The following CLCN6 variants were observed in gnomAD, a reference collection of about 807,000 sequenced individuals.
The protein encoded by CLCN6 is H(+)/Cl(-) exchange transporter 6.
In CLCN6, 70 loss-of-function variants were observed where a neutral mutation model predicts 109.8. That is an observed-to-expected ratio of 0.64 (90% CI 0.53 to 0.78). The LOEUF (loss-of-function observed/expected upper bound fraction) is 0.78. CLCN6 is among the 30% of genes least tolerant of loss of function. The pLI is 0.00. For synonymous variants in CLCN6, 444 were observed against 447.8 expected (o/e 0.99, Z 0.11); for missense variants, 984 against 1,142.3 (o/e 0.86, Z 2.00).
At chr1:11,828,719 A>C (rs1644844621) in intron 12 of CLCN6, 95 bp downstream of exon 12, 3 of 1,301,092 alleles carry the variant, frequency 2.3e-6, no homozygotes, top group Admixed American at 2.3e-5. Context: ...CCCTGCCTCC[A>C]CGGCTTTGAT....
At chr1:11,823,384 G>T (rs1644770612) in intron 6 of CLCN6, among the ~76,000 whole-genome samples, 1 of 152,136 alleles carries the variant, frequency 6.6e-6, no homozygotes, top group African/African-American at 2.4e-5. Context: ...GACTGAGGCA[G>T]GGGAATTGCT....
At chr1:11,810,159 C>A (rs1644579839) in intron 2 of CLCN6, among the ~76,000 whole-genome samples, 1 of 152,176 alleles carries the variant, frequency 6.6e-6, no homozygotes, top group Non-Finnish European at 1.5e-5. Context: ...TGTTGAATAT[C>A]TTTCTAAAAA....
At chr1:11,833,004 GC>G (rs1310174889) in intron 13 of CLCN6, among the ~76,000 whole-genome samples, 3 of 149,256 alleles carry the variant, frequency 2.0e-5, no homozygotes, top group African/African-American at 7.4e-5. Context: ...GTTTTCTTTT[GC>G]AGCAAATTCA....
Position 11,841,849 on chromosome 1 carries a change from A to G in CLCN6, c.*1626A>G, listed in dbSNP as rs764005470. ...GCCCCTCCATTTTCCCCATTTTCTT[A>G]TCTCCCTGACCAAAATTGCTTTGAC... On this transcript the variant is annotated 3_prime_UTR_variant, in exon 23 of 23. Transcript: ENST00000346436. 1.3e-5 allele frequency: 2 copies of G among 152,008 alleles called. No homozygotes were observed. The highest frequency in any genetic ancestry group is 2.9e-5 in the Non-Finnish European group (2 of 68,008). 9.4% of individuals were successfully genotyped at this position (152,008 alleles called of 1,614,324 possible).
intron 8 of CLCN6, 144 bp downstream of exon 8, chr1:11,824,697 C>T (rs572556837): frequency 9.3e-6 from 5 of 539,202 alleles, no homozygotes; most frequent in African/African-American, 7.8e-5. Context: ...GTGTCTATCT[C>T]TCAGGAAAGG....
intron 1 of CLCN6, chr1:11,806,689 T>C (rs1160523581): frequency 2.7e-6 from 1 of 364,680 alleles, no homozygotes; most frequent in African/African-American, 2.1e-5. Flanking sequence ...GCTGCTGTTT[T>C]AGCTTCTCCA....
chr1:11,831,343 G>A (rs761955425), intron 13 of CLCN6, among the ~76,000 whole-genome samples: 1 of 151,694 alleles, frequency 6.6e-6, no homozygotes, highest in Non-Finnish European at 1.5e-5. Flanking sequence ...TTCTAGTAGA[G>A]ACGGAGTTTC....
chr1:11,809,965 G>A (rs1291378790), intron 2 of CLCN6, among the ~76,000 whole-genome samples: 1 of 152,118 alleles, frequency 6.6e-6, no homozygotes, highest in African/African-American at 2.4e-5. Context: ...GAGTGGGACA[G>A]GTTAAAATAG....
At chr1:11,807,033 G>T (rs1644523926) in intron 1 of CLCN6, 98 bp from the exon 2 acceptor site, 1 of 1,092,324 alleles carries the variant, frequency 9.2e-7, no homozygotes, top group Admixed American at 1.9e-5. Context: ...AATGGCTCCA[G>T]ATGATTTAGA....
At chr1:11,824,676 G>A (rs554405274) in intron 8 of CLCN6, 123 bp downstream of exon 8, 260 of 634,088 alleles carry the variant, frequency 4.1e-4, no homozygotes, top group South Asian at 9.3e-4. Flanking sequence ...CTGGCTTCAC[G>A]TGTAAACCAT....
At chr1:11,808,438 T>C (rs1187832562) in intron 2 of CLCN6, among the ~76,000 whole-genome samples, 1 of 152,110 alleles carries the variant, frequency 6.6e-6, no homozygotes, top group African/African-American at 2.4e-5. Flanking sequence ...CATCATATTA[T>C]TTCACCCATA....
At position 11,834,262 on chromosome 1, in the gene CLCN6, C is replaced by T. The variant is rs149710478; in HGVS notation, c.1553C>T (p.Ser518Leu). ...KSYIGLGHIY[S>L]GTFALIGAAA... Reference sequence around the variant, plus strand: ...TACATTGGATTGGGCCACATCTATTCGGGGACCTTTGCCCTGATTGGTGCA... The same window carrying T: ...TACATTGGATTGGGCCACATCTATTTGGGGACCTTTGCCCTGATTGGTGCA... Residue 518 changes from serine (S) to leucine (L), a missense_variant, in exon 16 of 23, where the codon TCG becomes TTG. Coordinates refer to ENST00000346436, the MANE Select transcript of CLCN6 (RefSeq NM_001286.5). This position sits in a 1 kb window ranked among gnomAD's most constrained non-coding sequence, Gnocchi z 4.5. 15 of 1,613,744 alleles carry T rather than the reference C, an allele frequency of 9.3e-6. No individual in the cohort carries two copies. Among genetic ancestry groups the T allele is most frequent in the East Asian group, 6.7e-5 (3 of 44,886 alleles).
Position 11,827,270 on chromosome 1 carries a change from C to T in CLCN6, c.840+49C>T, listed in dbSNP as rs528730268. The T allele has an allele frequency of 3.2e-6, 5 of 1,574,376 alleles. No homozygotes were observed. In the East Asian group the frequency reaches 9.0e-5, roughly 28 times the overall value. On this transcript the variant is annotated intron_variant, in intron 10 of 22. Coordinates refer to ENST00000346436, the MANE Select transcript of CLCN6 (RefSeq NM_001286.5). ...CATTAACCACACCCCCCGAATTACACTGGGTGTCCCTTACTCGGTACATGG... is the reference window on the plus strand; with the variant it reads ...CATTAACCACACCCCCCGAATTACATTGGGTGTCCCTTACTCGGTACATGG...
Position 11,837,123 on chromosome 1 carries a change from A to G in CLCN6, c.2105A>G (p.Lys702Arg), listed in dbSNP as rs1557434748. 1 of 1,613,266 alleles carries G rather than the reference A, an allele frequency of 6.2e-7. No individual in the cohort carries two copies. The highest frequency in any genetic ancestry group is 1.7e-5 in the Admixed American group (1 of 60,020). The change falls in exon 19 of 23, where the codon AAG becomes AGG. Residue 702 changes from lysine to arginine, a missense_variant. Coordinates refer to ENST00000346436, the MANE Select transcript of CLCN6 (RefSeq NM_001286.5). ...EHIASEEPAE[K>R]EDLLQQMLER... ...ATCGCCTCTGAGGAGCCAGCCGAGA[A>G]GGAGGACCTCCTGCAGCAGATGCTG...
At chr1:11,817,434 C>T (rs1644687974) in intron 4 of CLCN6, among the ~76,000 whole-genome samples, 2 of 152,154 alleles carry the variant, frequency 1.3e-5, no homozygotes, top group Non-Finnish European at 2.9e-5. Context: ...GAGCCAGCAG[C>T]TGTGAGTGAA....
intron 13 of CLCN6, among the ~76,000 whole-genome samples, chr1:11,830,737 T>TTATATATATA (rs369772847): frequency 4.5e-4 from 41 of 91,116 alleles, no homozygotes; most frequent in East Asian, 3.5e-3. Context: ...TATGTATATA[T>TTATATATATA]TATATATATA....
intron 17 of CLCN6, among the ~76,000 whole-genome samples, chr1:11,835,593 T>A (rs1644933550): frequency 6.6e-6 from 1 of 152,062 alleles, no homozygotes; most frequent in Non-Finnish European, 1.5e-5. Context: ...TACCCAGTTG[T>A]GGTAAATGCT....
intron 9 of CLCN6, among the ~76,000 whole-genome samples, chr1:11,826,708 G>T (rs750626659): frequency 6.6e-6 from 1 of 152,184 alleles, no homozygotes; most frequent in Non-Finnish European, 1.5e-5. Context: ...TACCCAGAAG[G>T]CACCTTGATG....
At chr1:11,822,323 A>G (rs375041680) in intron 5 of CLCN6, among the ~76,000 whole-genome samples, 43 of 152,226 alleles carry the variant, frequency 2.8e-4, no homozygotes, top group African/African-American at 9.1e-4. Context: ...CAGTGGTGCA[A>G]TGACAGCTCA....
Sources: allele counts gnomAD v4.1 joint callset (sites outside exome capture counted in the v4.1 genomes callset), GRCh38; gene constraint gnomAD v4.1.1; non-coding constraint Gnocchi (gnomAD v3.1); transcripts MANE v1.5; gene names NCBI Gene and HGNC (gene_info 2026-07-23, HGNC 2026-07-21).